DNAAF5: variants seen among roughly 807,000 people sequenced by gnomAD.
DNAAF5 encodes the protein HEAT repeat containing 2.
A neutral mutation model predicts 75.8 loss-of-function variants in DNAAF5; 64 were observed. That is an observed-to-expected ratio of 0.84 (90% CI 0.69 to 1.04). DNAAF5 has a LOEUF of 1.04. Among genes scored for constraint, DNAAF5 ranks in the 50% least tolerant of loss-of-function variants. DNAAF5 has a pLI of 0.00. For missense variants in DNAAF5, 1,269 were observed against 1,178.5 expected (o/e 1.08, Z -1.12); for synonymous variants, 657 against 557.2 (o/e 1.18, Z -2.52).
chr7:751,157 A>C (rs1583492176), intron 4 of DNAAF5, among the ~76,000 whole-genome samples: 2 of 150,526 alleles, frequency 1.3e-5, no homozygotes, highest in Non-Finnish European at 3.0e-5. Flanking sequence ...TTTCAAAAAA[A>C]AACGAAGAGA....
chr7:743,313 T>A lies in DNAAF5; in HGVS notation c.1024+1848T>A, dbSNP rs560911110. 9.7e-4 allele frequency among the ~76,000 whole-genome samples: 148 copies of A among 152,238 alleles called. 1 individual carries two copies. The highest frequency in any genetic ancestry group is 3.4e-3 in the African/African-American group (143 of 41,542). ...TCGCTTGGGTCCAGGAAGTTGAGGCTGCGGTGAGCTATGACCACACCCCTG... is the reference window on the plus strand; with the variant it reads ...TCGCTTGGGTCCAGGAAGTTGAGGCAGCGGTGAGCTATGACCACACCCCTG... On this transcript the variant is annotated intron_variant, in intron 4 of 12. Coordinates refer to ENST00000297440, the MANE Select transcript of DNAAF5 (RefSeq NM_017802.4).
At chr7:772,807 C>T (rs1034711223) in intron 9 of DNAAF5, 1 of 152,170 alleles carries the variant, frequency 6.6e-6, no homozygotes, top group Non-Finnish European at 1.5e-5. Context: ...GAGATTGCGC[C>T]ATTTCACTCC....
chr7:728,666 C>G (rs372361170), intron 1 of DNAAF5, among the ~76,000 whole-genome samples: 29 of 152,210 alleles, frequency 1.9e-4, no homozygotes, highest in African/African-American at 6.8e-4. Context: ...CCCACGAGCT[C>G]CCTCCCTGGA....
intron 4 of DNAAF5, among the ~76,000 whole-genome samples, chr7:747,344 C>G (rs1467864801): frequency 4.7e-5 from 7 of 149,848 alleles, no homozygotes; most frequent in Non-Finnish European, 8.9e-5. Flanking sequence ...GTGTTGGTGT[C>G]CAGTGTTGAC....
chr7:762,637 G>A (rs1163009412), intron 7 of DNAAF5, among the ~76,000 whole-genome samples: 1 of 151,708 alleles, frequency 6.6e-6, no homozygotes, highest in East Asian at 1.9e-4. Flanking sequence ...TTTCTTCAGT[G>A]GAGTCTCGCT....
intron 2 of DNAAF5, among the ~76,000 whole-genome samples, chr7:739,082 T>C (rs1015754154): frequency 1.4e-5 from 2 of 140,850 alleles, no homozygotes; most frequent in African/African-American, 2.9e-5. Context: ...CAGTCTGGCT[T>C]GTCTCAGCCA....
In DNAAF5 at chr7:770,771, C is replaced by G. The variant is rs371090253; in HGVS notation, c.1931+153C>G. The G allele has an allele frequency of 2.3e-4, 165 of 728,362 alleles. No homozygotes were observed. In the African/African-American group the frequency reaches 2.7e-3, roughly 12 times the overall value. 45.1% of individuals were successfully genotyped at this position (728,362 alleles called of 1,614,324 possible). On this transcript the variant is annotated intron_variant, in intron 9 of 12. Transcript: ENST00000297440. Reference sequence around the variant, plus strand: ...GGGTTCCCCATCTCCCTCCCCCACACTGAGTCAAAGGTGGGCCGGGGGTCC... The same window carrying G: ...GGGTTCCCCATCTCCCTCCCCCACAGTGAGTCAAAGGTGGGCCGGGGGTCC...
At position 772,338 on chromosome 7, in the gene DNAAF5, G is replaced by A. The variant is rs537907113; in HGVS notation, c.1932-1710G>A. On this transcript the variant is annotated intron_variant, in intron 9 of 12. Coordinates refer to ENST00000297440, the MANE Select transcript of DNAAF5 (RefSeq NM_017802.4). Reference sequence around the variant, plus strand: ...CTTCAGAAATCCAAAATGCTCCAGTGAGTATTTCATTTGAGCATCATGTCA... The same window carrying A: ...CTTCAGAAATCCAAAATGCTCCAGTAAGTATTTCATTTGAGCATCATGTCA... 4 of 152,378 alleles carry A rather than the reference G, an allele frequency of 2.6e-5. No homozygotes were observed. The South Asian group carries it at 6.2e-4, about 24-fold the overall frequency. 9.4% of individuals were successfully genotyped at this position (152,378 alleles called of 1,614,324 possible).
rs9719797 is a variant in DNAAF5 at position 726,792 on chromosome 7, G to A, written c.72G>A (p.Ala24=). The A allele has an allele frequency of 7.6e-3, 9,852 of 1,289,962 alleles. 623 individuals are homozygous for A. In the African/African-American group the frequency reaches 0.14, roughly 18 times the overall value. The allele number at this position is 1,289,962 out of a possible 1,614,324, so 79.9% of individuals were successfully genotyped here. The change falls in exon 1 of 13, where the codon GCG becomes GCA. Residue 24 remains alanine, a synonymous_variant. Coordinates refer to ENST00000297440, the MANE Select transcript of DNAAF5 (RefSeq NM_017802.4). The stretch of plus-strand genomic sequence containing the variant: ...CTGAGGGGGCCGAGACGGCTGAGGC[G>A]GTGGAGCTGAGCCGCGCCCTGAGCC... ...HPAEGAETAE[A]VELSRALSRL...
chr7:727,979 G>A (rs1230887093), intron 1 of DNAAF5, among the ~76,000 whole-genome samples: 4 of 151,774 alleles, frequency 2.6e-5, no homozygotes. Context: ...CTGGTTGAGG[G>A]CACGCGCTTT....
Position 786,279 on chromosome 7 carries a change from T to G in DNAAF5, c.*626T>G, listed in dbSNP as rs1779142438. The G allele has an allele frequency of 6.6e-6, 1 of 152,254 alleles. No individual in the cohort carries two copies. The allele number at this position is 152,254 out of a possible 1,614,324, so 9.4% of individuals were successfully genotyped here. On this transcript the variant is annotated 3_prime_UTR_variant, in exon 13 of 13. Transcript: ENST00000297440. Reference sequence around the variant, plus strand: ...CATGAGATCTAATTGTGGTTGCCCCTATAGGTAGCAGGAAAGTAAAGTTGC... The same window carrying G: ...CATGAGATCTAATTGTGGTTGCCCCGATAGGTAGCAGGAAAGTAAAGTTGC...
At chr7:757,168 C>T (rs1323077641) in intron 6 of DNAAF5, among the ~76,000 whole-genome samples, 174 bp downstream of exon 6, 1 of 152,258 alleles carries the variant, frequency 6.6e-6, no homozygotes, top group African/African-American at 2.4e-5. Context: ...CCATCGGAAA[C>T]ACCTGCAGTA....
At chr7:752,651 G>C (rs919235081) in intron 4 of DNAAF5, among the ~76,000 whole-genome samples, 3 of 147,920 alleles carry the variant, frequency 2.0e-5, no homozygotes, top group African/African-American at 7.4e-5. Context: ...CGAAGGCTTC[G>C]TGACCGTGGG....
In DNAAF5 at chr7:727,234, C is replaced by T. The variant is rs997791435; in HGVS notation, c.514C>T (p.Arg172Cys). ...PHLDDALRAL[R>C]CSLLDPFAAV... ...CCTGGACGACGCTCTGCGCGCGCTGCGCTGCTCCCTGCTCGACCCCTTCGC... is the reference window on the plus strand; with the variant it reads ...CCTGGACGACGCTCTGCGCGCGCTGTGCTGCTCCCTGCTCGACCCCTTCGC... Residue 172 changes from arginine to cysteine, a missense_variant, in exon 1 of 13, where the codon CGC becomes TGC. Physicochemically the swap from Arg to Cys is radical, Grantham distance 180. Coordinates refer to ENST00000297440, the MANE Select transcript of DNAAF5 (RefSeq NM_017802.4). The T allele has an allele frequency of 3.7e-6, 5 of 1,362,632 alleles. No individual in the cohort carries two copies. The African/African-American group carries it at 6.1e-5, about 17-fold the overall frequency. The allele number at this position is 1,362,632 out of a possible 1,614,324, so 84.4% of individuals were successfully genotyped here. A position where few individuals can be genotyped will look rare whatever the true frequency, so the allele number is the denominator to read the frequency against.
At chr7:774,012 C>T (rs970060158) in intron 9 of DNAAF5, 36 bp from the exon 10 acceptor site, 3 of 1,613,454 alleles carry the variant, frequency 1.9e-6, no homozygotes, top group Admixed American at 1.7e-5. Context: ...AGCACCTGTC[C>T]GGTCTCCTCA....
intron 10 of DNAAF5, 31 bp downstream of exon 10, chr7:774,229 C>CGGG: frequency 2.5e-6 from 4 of 1,577,506 alleles, no homozygotes; most frequent in Non-Finnish European, 3.4e-6. Context: ...TCGGTGGACA[C>CGGG]CGGCCGGGGA....
rs777608461 is a variant in DNAAF5, at chr7:774,081, G to A, written c.1965G>A (p.Lys655=). The A allele has an allele frequency of 5.6e-6, 9 of 1,613,978 alleles. No homozygotes were observed. The highest frequency in any genetic ancestry group is 7.6e-6 in the Non-Finnish European group (9 of 1,180,006). Residue 655 remains lysine (K), a synonymous_variant, in exon 10 of 13, where the codon AAG becomes AAA. Transcript: ENST00000297440. ...QFPSYLETVT[K]DILAPNLQWH... ...CCAGCTACCTCGAGACGGTGACAAA[G>A]GACATCCTGGCCCCCAATCTGCAGT...
rs772806458 is a variant in DNAAF5 at position 780,039 on chromosome 7, G to C, written c.2326G>C (p.Gly776Arg). 1.9e-6 allele frequency: 3 copies of C among 1,614,236 alleles called. No homozygotes were observed. The African/African-American group carries it at 4.0e-5, about 22-fold the overall frequency. ...GGTCACCTGGCTGCAGTGTGTCAAGGGTGCCAACGCAAAATCCTACTATCA... is the reference window on the plus strand; with the variant it reads ...GGTCACCTGGCTGCAGTGTGTCAAGCGTGCCAACGCAAAATCCTACTATCA... ...TLVTWLQCVK[G>R]ANAKSYYQSS... The change falls in exon 12 of 13, where the codon GGT (glycine) becomes CGT (arginine). Residue 776 changes from glycine (G) to arginine (R), a missense_variant. Coordinates refer to ENST00000297440, the MANE Select transcript of DNAAF5 (RefSeq NM_017802.4).
intron 12 of DNAAF5, among the ~76,000 whole-genome samples, chr7:785,088 G>A (rs1300069039): frequency 2.0e-5 from 3 of 151,916 alleles, no homozygotes; most frequent in African/African-American, 7.3e-5. Flanking sequence ...CCCATCCGCT[G>A]CATCAGGTCG....
Sources: allele counts gnomAD v4.1 joint callset (sites outside exome capture counted in the v4.1 genomes callset), GRCh38; gene constraint gnomAD v4.1.1; transcripts MANE v1.5; gene names NCBI Gene and HGNC (gene_info 2026-07-23, HGNC 2026-07-21).